Variants in HEMK2 observed in about 807,000 individuals in gnomAD.
The protein encoded by HEMK2 is HemK methyltransferase 2, ETF1 glutamine and histone H4 lysine, also known as methyltransferase HEMK2.
At chr21:28,647,116 G>A in the HEMK2 span, among the ~76,000 whole-genome samples, 1 of 151,686 alleles carries the variant, frequency 6.6e-6, no homozygotes, top group African/African-American at 2.4e-5. Flanking sequence ...TTCCACCAAG[G>A]GAACTTGGAA....
the HEMK2 span, among the ~76,000 whole-genome samples, chr21:28,725,415 GA>G: frequency 6.6e-6 from 1 of 152,258 alleles, no homozygotes; most frequent in South Asian, 2.1e-4. Flanking sequence ...AACTAAAAGG[GA>G]TACATTCATG....
chr21:28,640,715 G>C, the HEMK2 span, among the ~76,000 whole-genome samples: 3 of 55,950 alleles, frequency 5.4e-5, no homozygotes, highest in African/African-American at 9.5e-5. Flanking sequence ...CAATCCTCTA[G>C]GACTTGGCTG....
chr21:28,842,529 C>T, the HEMK2 span, among the ~76,000 whole-genome samples: 1 of 152,110 alleles, frequency 6.6e-6, no homozygotes. Context: ...TTCCTGATGA[C>T]TCGTAGAGGG....
chr21:28,840,705 C>T, the HEMK2 span, among the ~76,000 whole-genome samples: 1 of 151,762 alleles, frequency 6.6e-6, no homozygotes, highest in African/African-American at 2.4e-5. Flanking sequence ...ACAGTAGATA[C>T]TAGAATGGAT....
chr21:28,591,348 A>T, the HEMK2 span, among the ~76,000 whole-genome samples: 2 of 152,228 alleles, frequency 1.3e-5, no homozygotes, highest in South Asian at 2.1e-4. Flanking sequence ...GAACACAGTG[A>T]CTACAGACAC....
the HEMK2 span, among the ~76,000 whole-genome samples, chr21:28,745,208 T>C: frequency 6.6e-6 from 1 of 152,232 alleles, no homozygotes; most frequent in East Asian, 1.9e-4. Flanking sequence ...TGGAAGCTTG[T>C]GGTGTAAGCA....
At chr21:28,696,579 C>G in the HEMK2 span, among the ~76,000 whole-genome samples, 1 of 152,144 alleles carries the variant, frequency 6.6e-6, no homozygotes, top group Non-Finnish European at 1.5e-5. Context: ...ACGGTGCAAG[C>G]AGTCTGGATC....
chr21:28,691,320 T>C, the HEMK2 span, among the ~76,000 whole-genome samples: 1 of 152,232 alleles, frequency 6.6e-6, no homozygotes, highest in Non-Finnish European at 1.5e-5. Flanking sequence ...TGATTCAGCA[T>C]CTTCCAAAGA....
At chr21:28,729,415 G>A in the HEMK2 span, among the ~76,000 whole-genome samples, 1,017 of 152,226 alleles carry the variant, frequency 6.7e-3, 8 homozygotes, top group African/African-American at 0.023. Flanking sequence ...CCTCTGCCAA[G>A]TCCTATAGCA....
the HEMK2 span, among the ~76,000 whole-genome samples, chr21:28,589,293 A>G: frequency 6.6e-6 from 1 of 152,160 alleles, no homozygotes; most frequent in Non-Finnish European, 1.5e-5. Context: ...CACAGAATGG[A>G]TTTCAACATA....
chr21:28,751,117 G>A, the HEMK2 span, among the ~76,000 whole-genome samples: 1 of 151,860 alleles, frequency 6.6e-6, no homozygotes, highest in Non-Finnish European at 1.5e-5. Flanking sequence ...TGTAGTCCCA[G>A]CTACTCGGGA....
the HEMK2 span, among the ~76,000 whole-genome samples, chr21:28,629,049 G>C: frequency 6.6e-6 from 1 of 152,126 alleles, no homozygotes; most frequent in South Asian, 2.1e-4. Flanking sequence ...GGGAAGGCTT[G>C]GGATCTACAT....
chr21:28,684,486 A>G, the HEMK2 span, among the ~76,000 whole-genome samples: 2 of 152,202 alleles, frequency 1.3e-5, no homozygotes, highest in African/African-American at 2.4e-5. Flanking sequence ...TGGGAATTCA[A>G]TTGAAATCCA....
chr21:28,880,722 G>A, the HEMK2 span, among the ~76,000 whole-genome samples: 20 of 150,154 alleles, frequency 1.3e-4, no homozygotes, highest in Non-Finnish European at 2.7e-4. Flanking sequence ...CAGCCTGGGC[G>A]ACAGAGTGAG....
the HEMK2 span, among the ~76,000 whole-genome samples, chr21:28,770,308 AC>A: frequency 6.6e-6 from 1 of 151,958 alleles, no homozygotes; most frequent in Non-Finnish European, 1.5e-5. Flanking sequence ...TCTTCTCTAT[AC>A]CCCATGGCCA....
the HEMK2 span, among the ~76,000 whole-genome samples, chr21:28,715,134 T>C: frequency 2.0e-5 from 3 of 152,366 alleles, no homozygotes; most frequent in South Asian, 4.1e-4. Context: ...GAATGATTTA[T>C]ATTCCTTTGG....
At chr21:28,831,740 A>AAAGAAAGAAGGAAGGAAAGAAAGAAAG in the HEMK2 span, among the ~76,000 whole-genome samples, 1 of 146,322 alleles carries the variant, frequency 6.8e-6, no homozygotes, top group Admixed American at 6.8e-5. Flanking sequence ...GGAAGGAAAG[A>AAAGAAAGAAGGAAGGAAAGAAAGAAAG]AAGAAAGAAA....
At chr21:28,852,554 A>G in the HEMK2 span, among the ~76,000 whole-genome samples, 1 of 152,206 alleles carries the variant, frequency 6.6e-6, no homozygotes, top group Non-Finnish European at 1.5e-5. Flanking sequence ...TTGCCCTGGT[A>G]GAAGCTAGAG....
chr21:28,844,905 T>G, the HEMK2 span, among the ~76,000 whole-genome samples: 1 of 152,110 alleles, frequency 6.6e-6, no homozygotes, highest in Non-Finnish European at 1.5e-5. Context: ...GTTCAGCTAT[T>G]TGAAAAAATC....
Sources: allele counts gnomAD v4.1 joint callset (sites outside exome capture counted in the v4.1 genomes callset), GRCh38; gene constraint gnomAD v4.1.1; transcripts MANE v1.5; gene names NCBI Gene and HGNC (gene_info 2026-07-23, HGNC 2026-07-21).